The following EYS variants were observed in gnomAD, a reference collection of about 807,000 sequenced individuals.
EYS encodes EGF-like photoreceptor maintenance factor.
A neutral mutation model predicts 282.1 loss-of-function variants in EYS; 250 were observed. The observed-to-expected ratio is 0.89, with a 90% confidence interval of 0.80 to 0.98. The LOEUF is 0.98. Among genes scored for constraint, EYS ranks in the 50% least tolerant of loss-of-function variants. The pLI, the probability that EYS is intolerant of heterozygous loss-of-function variation, is 0.00. For missense variants in EYS, 4,016 were observed against 3,709.0 expected, an observed-to-expected ratio of 1.08 and a Z score of -2.15; for synonymous variants, 1,355 against 1,282.9, an observed-to-expected ratio of 1.06 and a Z score of -1.20.
At chr6:64,419,383 G>C (rs1046813175) in intron 28 of EYS, among the ~76,000 whole-genome samples, 3 of 151,940 alleles carry the variant, frequency 2.0e-5, no homozygotes, top group African/African-American at 7.3e-5. Context: ...ATTCTATCCC[G>C]GGCCCCTCCC....
chr6:64,808,148 A>C, intron 22 of EYS, among the ~76,000 whole-genome samples: 1 of 151,046 alleles, frequency 6.6e-6, no homozygotes. Context: ...CTGTTTAAAT[A>C]ATCTACCTAT....
chr6:65,678,250 G>A (rs532255649), intron 1 of EYS, among the ~76,000 whole-genome samples: 3 of 151,920 alleles, frequency 2.0e-5, no homozygotes, highest in Non-Finnish European at 2.9e-5. Flanking sequence ...CTGCCCCCAT[G>A]AGCCAAACAT....
chr6:64,194,873 T>G (rs1479507763), intron 31 of EYS, among the ~76,000 whole-genome samples: 1 of 152,186 alleles, frequency 6.6e-6, no homozygotes, highest in Admixed American at 6.6e-5. Flanking sequence ...AATAGAGACC[T>G]TAAGTCTGTG....
At chr6:64,340,155 CT>C (rs1771044884) in intron 29 of EYS, among the ~76,000 whole-genome samples, 1 of 150,816 alleles carries the variant, frequency 6.6e-6, no homozygotes, top group Non-Finnish European at 1.5e-5. Context: ...GAGCCCTATC[CT>C]CTGAAAGTTT....
intron 22 of EYS, among the ~76,000 whole-genome samples, chr6:64,677,931 A>C (rs933938289): frequency 6.6e-6 from 1 of 152,168 alleles, no homozygotes; most frequent in Non-Finnish European, 1.5e-5. Context: ...AGTAAAAAAA[A>C]AAATGACTAT....
chr6:63,813,396 A>G (rs185079613), intron 36 of EYS, among the ~76,000 whole-genome samples: 5 of 152,294 alleles, frequency 3.3e-5, no homozygotes, highest in Admixed American at 6.5e-5. Context: ...TTAATTTGTG[A>G]GCTAAAAATA....
At chr6:65,389,058 A>C (rs1239409802) in intron 7 of EYS, among the ~76,000 whole-genome samples, 1 of 152,094 alleles carries the variant, frequency 6.6e-6, no homozygotes, top group Admixed American at 6.6e-5. Context: ...ACTATACTGT[A>C]ATTACTATAA....
chr6:64,882,481 C>A (rs890916671), intron 19 of EYS, among the ~76,000 whole-genome samples: 2 of 151,494 alleles, frequency 1.3e-5, no homozygotes, highest in African/African-American at 4.8e-5. Context: ...CTCCTGCCTA[C>A]ATTAACAGAA....
chr6:63,729,391 T>C (rs1490520065), intron 41 of EYS, among the ~76,000 whole-genome samples: 1 of 152,108 alleles, frequency 6.6e-6, no homozygotes, highest in African/African-American at 2.4e-5. Context: ...AAACTCATCA[T>C]CAAACTCAAA....
In EYS at chr6:64,988,076, T is replaced by C. The variant is rs1043661615; in HGVS notation, c.2259+9506A>G. Reference sequence around the variant, plus strand: ...AAGAATGTAGGGCAAAGTTTTGGTCTTGGTCTTTTAAGCACAGCAGCTACA... The same window carrying C: ...AAGAATGTAGGGCAAAGTTTTGGTCCTGGTCTTTTAAGCACAGCAGCTACA... On this transcript the variant is annotated intron_variant, in intron 14 of 42. Transcript: ENST00000503581. Among the ~76,000 whole-genome samples the C allele has an allele frequency of 5.9e-5, 9 of 151,544 alleles. No individual in the cohort carries two copies. In the East Asian group the frequency reaches 1.8e-3, roughly 30 times the overall value.
chr6:63,971,057 G>C (rs1017165913), intron 35 of EYS, among the ~76,000 whole-genome samples: 34 of 152,156 alleles, frequency 2.2e-4, no homozygotes, highest in Admixed American at 2.2e-3. Flanking sequence ...AACATTTAGG[G>C]TACTTTTTGT....
intron 8 of EYS, among the ~76,000 whole-genome samples, chr6:65,356,837 C>T (rs147842064): frequency 6.6e-6 from 1 of 151,966 alleles, no homozygotes; most frequent in Non-Finnish European, 1.5e-5. Flanking sequence ...GGAGTGTTGT[C>T]ATATAGGTCT....
At chr6:65,213,669 A>G (rs150060110) in intron 12 of EYS, among the ~76,000 whole-genome samples, 34 of 152,292 alleles carry the variant, frequency 2.2e-4, no homozygotes, top group Non-Finnish European at 4.1e-4. Flanking sequence ...AATGTTGTGT[A>G]TGTCATTACT....
rs1028478447 is a variant in EYS, at chr6:65,578,773, C to G, written c.-333+61005G>C. ...AAAACAGAAAAGAAATTGGACTCAT[C>G]TTTCACATATTTAATTTAATCTTGC... On this transcript the variant is annotated intron_variant, in intron 2 of 42. Coordinates refer to ENST00000503581, the MANE Select transcript of EYS (RefSeq NM_001142800.2). Among the ~76,000 whole-genome samples, 6 of 151,946 alleles carry G rather than the reference C, an allele frequency of 3.9e-5. No individual in the cohort carries two copies. In the East Asian group the frequency reaches 1.2e-3, roughly 29 times the overall value.
chr6:64,588,298 C>G (rs542981833), intron 26 of EYS, among the ~76,000 whole-genome samples: 1 of 152,154 alleles, frequency 6.6e-6, no homozygotes, highest in African/African-American at 2.4e-5. Context: ...TGGAAATTGA[C>G]AAATGTAGGA....
chr6:64,692,277 T>C (rs767315934), intron 22 of EYS, among the ~76,000 whole-genome samples: 6 of 152,216 alleles, frequency 3.9e-5, no homozygotes, highest in Admixed American at 1.3e-4. Flanking sequence ...CTTATGTCTG[T>C]AGGCCACTTG....
chr6:65,010,025 A>G (rs1439012747), intron 13 of EYS, among the ~76,000 whole-genome samples: 2 of 152,216 alleles, frequency 1.3e-5, no homozygotes, highest in Non-Finnish European at 2.9e-5. Flanking sequence ...AGTAAGATGG[A>G]CACCTGAATC....
At position 65,353,447 on chromosome 6, in the gene EYS, A is replaced by G. The variant is rs1764361337; in HGVS notation, c.1459+11T>C. On this transcript the variant is annotated intron_variant, in intron 9 of 42. Coordinates refer to ENST00000503581, the MANE Select transcript of EYS (RefSeq NM_001142800.2). ...TCAAGCAGATTGAAAAAAATTACAT[A>G]AATTTGTTACCTGCAAATCCCAATT... 6.2e-7 allele frequency: 1 copy of G among 1,612,124 alleles called. No individual in the cohort carries two copies. The highest frequency in any genetic ancestry group is 1.7e-5 in the Admixed American group (1 of 59,954).
At chr6:65,090,127 G>A (rs960858786) in intron 12 of EYS, among the ~76,000 whole-genome samples, 11 of 151,948 alleles carry the variant, frequency 7.2e-5, no homozygotes, top group Non-Finnish European at 1.6e-4. Flanking sequence ...TTGTCTCTGT[G>A]TCACCACCCA....
Sources: gnomAD v4.1 joint callset for allele counts (sites outside exome capture counted in the v4.1 genomes callset) on GRCh38, gnomAD v4.1.1 for gene constraint, MANE v1.5 for transcripts, NCBI Gene and HGNC (gene_info 2026-07-23, HGNC 2026-07-21) for gene names.